The following FURIN variants were observed in gnomAD, a reference collection of about 807,000 sequenced individuals.
The protein encoded by FURIN is furin, paired basic amino acid cleaving enzyme, also known as FES upstream region.
A neutral mutation model predicts 89.2 loss-of-function variants in FURIN; 18 were observed. The observed-to-expected ratio is 0.20, with a 90% confidence interval of 0.14 to 0.30. The LOEUF is 0.30. FURIN is among the 10% of genes least tolerant of loss of function. The probability of loss-of-function intolerance (pLI) is 1.00; values close to 1 mark genes in which losing one functional copy is unlikely to be tolerated. For synonymous variants in FURIN, 508 were observed against 466.4 expected (o/e 1.09, Z -1.15); for missense variants, 879 against 1,100.5 (o/e 0.80, Z 2.85).
Position 90,876,151 on chromosome 15 carries a change from C to A in FURIN, c.178-104C>A, listed in dbSNP as rs2031606849. ...GACAGGGAGCAGATGCCCCGCACCC[C>A]CGACCGTGGCGAGCCTCCCATGAAG... is the stretch of plus-strand genomic sequence containing the variant. On this transcript the variant is annotated intron_variant, in intron 2 of 15. Transcript: ENST00000268171. The surrounding 1 kb of genome is among the most constrained non-coding windows in gnomAD (Gnocchi z 5.0). The A allele has an allele frequency of 1.1e-6, 1 of 871,394 alleles. No individual in the cohort carries two copies. The highest frequency in any genetic ancestry group is 1.6e-5 in the African/African-American group (1 of 60,944). 54.0% of individuals were successfully genotyped at this position (871,394 alleles called of 1,614,324 possible).
At chr15:90,873,633 G>A (rs768944584) in intron 1 of FURIN, among the ~76,000 whole-genome samples, 2 of 151,418 alleles carry the variant, frequency 1.3e-5, no homozygotes, top group East Asian at 1.9e-4. Flanking sequence ...AGGGACTTGG[G>A]GTGGGGGGGG....
Position 90,882,384 on chromosome 15 carries a change from A to G in FURIN, c.*506A>G, listed in dbSNP as rs1338026174. On this transcript the variant is annotated 3_prime_UTR_variant, in exon 16 of 16. Transcript: ENST00000268171. ...CTTGGCGGCAGCAGCCATCATAGGA[A>G]GGGACCAAGGCAAGGCAGGTGCCTC... The G allele has an allele frequency of 6.1e-6, 1 of 164,668 alleles. No homozygotes were observed. Among genetic ancestry groups the G allele is most frequent in the African/African-American group, 2.4e-5 (1 of 41,528 alleles). The allele number at this position is 164,668 out of a possible 1,614,324, so 10.2% of individuals were successfully genotyped here. A position where few individuals can be genotyped will look rare whatever the true frequency, so the allele number is the denominator to read the frequency against.
chr15:90,873,301 ACTGTTCAGT>A (rs142077482), intron 1 of FURIN, among the ~76,000 whole-genome samples: 3,495 of 151,792 alleles, frequency 0.023, 146 homozygotes, highest in African/African-American at 0.08. Context: ...CTTTGGGGGG[ACTGTTCAGT>A]TGCGCCTGAC....
At chr15:90,875,375 G>T (rs2031554134) in intron 1 of FURIN, among the ~76,000 whole-genome samples, 1 of 152,084 alleles carries the variant, frequency 6.6e-6, no homozygotes, top group Non-Finnish European at 1.5e-5. Flanking sequence ...AGAAAGGATT[G>T]GGGGGGATTG....
Position 90,876,812 on chromosome 15 carries a change from C to T in FURIN, c.373-84C>T, listed in dbSNP as rs376520069. ...AGGGATGGTACAGGAGGAGGTTTTA[C>T]GGGGGCAAAGGGATTCTTCAAGATG... On this transcript the variant is annotated intron_variant, in intron 4 of 15. Coordinates refer to ENST00000268171, the MANE Select transcript of FURIN (RefSeq NM_002569.4). This position sits in a 1 kb window ranked among gnomAD's most constrained non-coding sequence, Gnocchi z 5.0. The T allele has an allele frequency of 3.6e-5, 53 of 1,466,218 alleles. No individual in the cohort carries two copies. The highest frequency in any genetic ancestry group is 3.0e-4 in the South Asian group (25 of 83,230). The allele number at this position is 1,466,218 out of a possible 1,614,324, so 90.8% of individuals were successfully genotyped here.
At chr15:90,871,615 G>C (rs1251562411) in intron 1 of FURIN, 2 of 149,570 alleles carry the variant, frequency 1.3e-5, no homozygotes, top group Non-Finnish European at 3.0e-5. Flanking sequence ...GGTAAGTAGC[G>C]AGGGCGCGGG....
In FURIN at chr15:90,883,330, G is replaced by A. The variant is rs4702; in HGVS notation, c.*1452G>A. On this transcript the variant is annotated 3_prime_UTR_variant, in exon 16 of 16. Transcript: ENST00000268171. ...GCCAGCCCGGCTGGTTTTGTAAGAT[G>A]CTGGGTTGGTGCACAGTGATTTTTT... 98,546 of 153,280 alleles carry A rather than the reference G, an allele frequency of 0.64. 33,425 individuals are homozygous for A. The highest frequency in any genetic ancestry group is 0.89 in the African/African-American group (36,815 of 41,582). The allele number at this position is 153,280 out of a possible 1,614,324, so 9.5% of individuals were successfully genotyped here. A position where few individuals can be genotyped will look rare whatever the true frequency, so the allele number is the denominator to read the frequency against.
chr15:90,875,698 C>G lies in FURIN; in HGVS notation c.-43C>G, dbSNP rs1269135289. On this transcript the variant is annotated 5_prime_UTR_variant, in exon 2 of 16. Transcript: ENST00000268171. ...GGGAGCCGAGGCCCTGTGACCAGGC[C>G]AAGGAGACGGGCGCTCCAGGGTCCC... 6.7e-7 allele frequency: 1 copy of G among 1,487,384 alleles called. No homozygotes were observed. Among genetic ancestry groups the G allele is most frequent in the East Asian group, 2.5e-5 (1 of 40,230 alleles). The allele number at this position is 1,487,384 out of a possible 1,614,324, so 92.1% of individuals were successfully genotyped here.
intron 1 of FURIN, among the ~76,000 whole-genome samples, chr15:90,872,327 C>T (rs910982022): frequency 2.0e-5 from 3 of 152,160 alleles, no homozygotes; most frequent in African/African-American, 4.8e-5. Flanking sequence ...ACAGGTCTGA[C>T]GGCAGTCACT....
chr15:90,869,591 A>T (rs1285466383), intron 1 of FURIN, among the ~76,000 whole-genome samples: 1 of 150,700 alleles, frequency 6.6e-6, no homozygotes, highest in Non-Finnish European at 1.5e-5. Context: ...CACCTCTGAG[A>T]ACCCACTTTA....
At position 90,876,615 on chromosome 15, in the gene FURIN, T is replaced by G; in HGVS notation, c.372+58T>G. On this transcript the variant is annotated intron_variant, in intron 4 of 15. Coordinates refer to ENST00000268171, the MANE Select transcript of FURIN (RefSeq NM_002569.4). The surrounding 1 kb of genome is among the most constrained non-coding windows in gnomAD (Gnocchi z 5.0). ...CCCCAGATGCACCATCCACCCACTATGAGCTCTTGGATGGAGGAGGCTGTC... is the reference window on the plus strand; with the variant it reads ...CCCCAGATGCACCATCCACCCACTAGGAGCTCTTGGATGGAGGAGGCTGTC... 1 of 1,139,402 alleles carries G rather than the reference T, an allele frequency of 8.8e-7. No homozygotes were observed. The highest frequency in any genetic ancestry group is 1.3e-6 in the Non-Finnish European group (1 of 753,766). 70.6% of individuals were successfully genotyped at this position (1,139,402 alleles called of 1,614,324 possible).
intron 1 of FURIN, among the ~76,000 whole-genome samples, chr15:90,871,766 G>A (rs1254826696): frequency 6.7e-6 from 1 of 149,296 alleles, no homozygotes; most frequent in East Asian, 2.0e-4. Flanking sequence ...ACTGGCGCCG[G>A]TGCAGCCCTG....
Position 90,880,813 on chromosome 15 carries a change from A to G in FURIN, c.1679A>G (p.Tyr560Cys). The G allele has an allele frequency of 6.2e-7, 1 of 1,613,164 alleles. No individual in the cohort carries two copies. ...GAAAACACCAGCGAAGCCAACAACT[A>G]TGGTACTGGGGGCACTTGAGGGGTA... ...EIENTSEANN[Y>C]GTLTKFTLVL... The change falls in exon 14 of 16, where the codon TAT becomes TGT. Residue 560 changes from tyrosine (Y) to cysteine (C), a missense_variant and splice_region_variant. Tyr to Cys is a radical substitution (Grantham distance 194, BLOSUM62 -2). Coordinates refer to ENST00000268171, the MANE Select transcript of FURIN (RefSeq NM_002569.4).
chr15:90,871,959 GACCTCAGGA>G (rs1014031552), intron 1 of FURIN, among the ~76,000 whole-genome samples: 7 of 151,478 alleles, frequency 4.6e-5, no homozygotes, highest in Non-Finnish European at 8.9e-5. Context: ...CGAGCCCTCT[GACCTCAGGA>G]AGCGCCTGCG....
chr15:90,869,637 T>C (rs2031194555), intron 1 of FURIN, among the ~76,000 whole-genome samples: 1 of 141,858 alleles, frequency 7.0e-6, no homozygotes, highest in Admixed American at 6.9e-5. Flanking sequence ...AGAGGCAAGC[T>C]GGCTGGAAGA....
chr15:90,878,773 G>A lies in FURIN; in HGVS notation c.850G>A (p.Gly284Arg). ...FFRGVSQGRG[G>R]LGSIFVWASG... ...CCCACTCTGTCCACAGGGCCGAGGG[G>A]GGCTGGGCTCCATCTTTGTCTGGGC... The change falls in exon 9 of 16, where the codon GGG becomes AGG. Residue 284 changes from glycine to arginine, a missense_variant. Gly to Arg is a moderately radical substitution (Grantham distance 125). Around this residue, in one of 5 missense-constraint regions of FURIN, gnomAD observed 156 missense variants for 243.7 expected, o/e 0.64. Transcript: ENST00000268171. 1 of 1,603,416 alleles carries A rather than the reference G, an allele frequency of 6.2e-7. No homozygotes were observed. Among genetic ancestry groups the A allele is most frequent in the Non-Finnish European group, 8.5e-7 (1 of 1,171,338 alleles).
rs776043700 is a variant in FURIN at position 90,881,848 on chromosome 15, C to T, written c.2355C>T (p.Thr785=). ...AGGACGAGGGCCGGGGCGAGAGGAC[C>T]GCCTTTATCAAAGACCAGAGCGCCC... is the stretch of plus-strand genomic sequence containing the variant. ...SEEDEGRGER[T]AFIKDQSAL Residue 785 remains threonine (T), a synonymous_variant, in exon 16 of 16, where the codon ACC becomes ACT. Coordinates refer to ENST00000268171, the MANE Select transcript of FURIN (RefSeq NM_002569.4). The surrounding 1 kb of genome is among the most constrained non-coding windows in gnomAD (Gnocchi z 4.3). 5.6e-6 allele frequency: 9 copies of T among 1,612,808 alleles called. No individual in the cohort carries two copies. Among genetic ancestry groups the T allele is most frequent in the Admixed American group, 3.3e-5 (2 of 59,992 alleles).
intron 1 of FURIN, among the ~76,000 whole-genome samples, chr15:90,873,414 A>G (rs901084377): frequency 6.6e-6 from 1 of 152,198 alleles, no homozygotes; most frequent in Non-Finnish European, 1.5e-5. Flanking sequence ...AGTGTGCTGG[A>G]ATCTGGGCTA....
rs1234555955 is a variant in FURIN, at chr15:90,871,560, GCC to G, written c.-160+2850_-160+2851del. Reference sequence around the variant, plus strand: ...TGGGCGGCCGAGGGGCGCCCGAGCCGCCGCGGCGGTCGCCTGGAAAAGTTTCC... The same window carrying G: ...TGGGCGGCCGAGGGGCGCCCGAGCCGGCGGCGGTCGCCTGGAAAAGTTTCC... On this transcript the variant is annotated intron_variant, in intron 1 of 15. Coordinates refer to ENST00000268171, the MANE Select transcript of FURIN (RefSeq NM_002569.4). 26 of 804 alleles carry G rather than the reference GCC, an allele frequency of 0.032. No individual in the cohort carries two copies. In the South Asian group the frequency reaches 0.38, roughly 12 times the overall value. 0.0% of individuals were successfully genotyped at this position (804 alleles called of 1,614,324 possible).
Sources: gnomAD v4.1 joint callset for allele counts (sites outside exome capture counted in the v4.1 genomes callset) on GRCh38, gnomAD v4.1.1 for gene constraint, gnomAD v4.1.1 regional missense constraint, Gnocchi (gnomAD v3.1) non-coding constraint, MANE v1.5 for transcripts, NCBI Gene and HGNC (gene_info 2026-07-23, HGNC 2026-07-21) for gene names.